Variants in PPP1R12A observed in about 807,000 individuals in gnomAD.
The protein encoded by PPP1R12A is protein phosphatase 1 regulatory subunit 12A.
In PPP1R12A, 19 loss-of-function variants were observed where a neutral mutation model predicts 139.6. The observed-to-expected ratio is 0.14, with a 90% CI of 0.09 to 0.20. The LOEUF (loss-of-function observed/expected upper bound fraction) is 0.20. PPP1R12A is among the 10% of genes least tolerant of loss of function. The pLI, the probability that PPP1R12A is intolerant of heterozygous loss-of-function variation, is 1.00. For synonymous variants in PPP1R12A, 427 were observed against 420.6 expected (o/e 1.02, Z -0.19); for missense variants, 925 against 1,211.5 (o/e 0.76, Z 3.51).
chr12:79,827,088 TG>T (rs1231913358), intron 5 of PPP1R12A, among the ~76,000 whole-genome samples: 2 of 152,220 alleles, frequency 1.3e-5, no homozygotes, highest in African/African-American at 4.8e-5. Flanking sequence ...GCCTTTTACT[TG>T]AATAGTATCA....
chr12:79,862,850 C>A (rs1270080428), intron 2 of PPP1R12A, among the ~76,000 whole-genome samples: 2 of 152,178 alleles, frequency 1.3e-5, no homozygotes, highest in Non-Finnish European at 2.9e-5. Context: ...GATTGGTATA[C>A]CTGAAAGTGA....
chr12:79,807,762 G>A (rs1261162769), intron 11 of PPP1R12A, among the ~76,000 whole-genome samples: 1 of 151,954 alleles, frequency 6.6e-6, no homozygotes. Context: ...GTTATTGGCC[G>A]GGTGCAGTGG....
intron 9 of PPP1R12A, among the ~76,000 whole-genome samples, chr12:79,812,403 T>TGTGTGTGTGC (rs1874701067): frequency 2.0e-5 from 3 of 150,906 alleles, no homozygotes; most frequent in Non-Finnish European, 4.4e-5. Flanking sequence ...TGTGTGTGTG[T>TGTGTGTGTGC]GTGTGTGTGT....
intron 14 of PPP1R12A, among the ~76,000 whole-genome samples, chr12:79,799,040 A>G (rs1402351376): frequency 6.6e-6 from 1 of 152,188 alleles, no homozygotes; most frequent in Non-Finnish European, 1.5e-5. Flanking sequence ...TGATAATCTA[A>G]GCATCTTACT....
At chr12:79,835,842 T>A (rs1335574566) in intron 3 of PPP1R12A, among the ~76,000 whole-genome samples, 1 of 152,176 alleles carries the variant, frequency 6.6e-6, no homozygotes, top group Non-Finnish European at 1.5e-5. Flanking sequence ...CCCAAGTACA[T>A]CATGGTCTCT....
intron 2 of PPP1R12A, among the ~76,000 whole-genome samples, chr12:79,866,545 A>G (rs903669289): frequency 6.6e-6 from 1 of 152,238 alleles, no homozygotes. Flanking sequence ...AACCTACAGA[A>G]TCGGAGAAAA....
At chr12:79,873,593 G>A (rs1010197775) in intron 1 of PPP1R12A, among the ~76,000 whole-genome samples, 3 of 151,614 alleles carry the variant, frequency 2.0e-5, no homozygotes, top group Non-Finnish European at 4.4e-5. Context: ...TTGAGTTTGA[G>A]TTCAAGGCTG....
In PPP1R12A at chr12:79,821,177, A is replaced by T; in HGVS notation, c.868-11T>A. On this transcript the variant is annotated splice_polypyrimidine_tract_variant and intron_variant, in intron 6 of 24. Transcript: ENST00000450142. ...TTTTTCACTATGGAGCTTTGTACAA[A>T]GTTATGCAAAGGAAAATAAGAAAAC... The T allele has an allele frequency of 6.3e-7, 1 of 1,577,186 alleles. No individual in the cohort carries two copies. Among genetic ancestry groups the T allele is most frequent in the Non-Finnish European group, 8.7e-7 (1 of 1,152,472 alleles).
chr12:79,833,412 A>G (rs1036336521), intron 3 of PPP1R12A, among the ~76,000 whole-genome samples: 4 of 152,152 alleles, frequency 2.6e-5, no homozygotes, highest in African/African-American at 4.8e-5. Context: ...GGCTTTGACT[A>G]CTTGCTATTT....
chr12:79,812,125 A>G (rs1344264410), intron 9 of PPP1R12A, among the ~76,000 whole-genome samples: 1 of 152,220 alleles, frequency 6.6e-6, no homozygotes, highest in African/African-American at 2.4e-5. Context: ...AGTACTATCT[A>G]TCAATTTTGA....
At chr12:79,809,505 A>T (rs1224286810) in intron 10 of PPP1R12A, among the ~76,000 whole-genome samples, 2 of 152,176 alleles carry the variant, frequency 1.3e-5, no homozygotes, top group Non-Finnish European at 2.9e-5. Flanking sequence ...TTGAATCATA[A>T]TAAACAAAAT....
At chr12:79,878,798 A>G (rs1453990978) in intron 1 of PPP1R12A, among the ~76,000 whole-genome samples, 1 of 152,158 alleles carries the variant, frequency 6.6e-6, no homozygotes, top group Non-Finnish European at 1.5e-5. Flanking sequence ...CCCATGATTC[A>G]TTCAATTACC....
chr12:79,892,868 C>G lies in PPP1R12A; in HGVS notation c.238-19930G>C, dbSNP rs1376787012. On this transcript the variant is annotated intron_variant, in intron 1 of 24. Coordinates refer to ENST00000450142, the MANE Select transcript of PPP1R12A (RefSeq NM_002480.3). ...CCTATAATCCCAGTACTTTGGAAGG[C>G]CAAGGTGGGCGGATCACTTGAGGTT... Among the ~76,000 whole-genome samples, 4 of 152,132 alleles carry G rather than the reference C, an allele frequency of 2.6e-5. No individual in the cohort carries two copies. In the East Asian group the frequency reaches 7.7e-4, roughly 29 times the overall value.
At chr12:79,885,152 T>C (rs1883987677) in intron 1 of PPP1R12A, among the ~76,000 whole-genome samples, 1 of 152,192 alleles carries the variant, frequency 6.6e-6, no homozygotes, top group South Asian at 2.1e-4. Context: ...GTACAAACTC[T>C]AGAGCCAGAC....
intron 10 of PPP1R12A, 58 bp from the exon 11 acceptor site, chr12:79,808,635 G>T: frequency 1.1e-6 from 1 of 918,418 alleles, no homozygotes; most frequent in Non-Finnish European, 1.7e-6. Flanking sequence ...TATAGGCAAT[G>T]CTAAAAGTAT....
At chr12:79,815,546 C>T (rs1245263081) in intron 9 of PPP1R12A, among the ~76,000 whole-genome samples, 4 of 151,748 alleles carry the variant, frequency 2.6e-5, no homozygotes, top group African/African-American at 9.7e-5. Context: ...AAAAGATAGC[C>T]AGTTTCTTGC....
At chr12:79,807,196 A>C in intron 12 of PPP1R12A, 30 bp downstream of exon 12, 1 of 1,316,530 alleles carries the variant, frequency 7.6e-7, no homozygotes, top group Middle Eastern at 2.0e-4. Context: ...AAATGAATAC[A>C]TAAAAACCGC....
chr12:79,915,801 G>GT (rs1346407985), intron 1 of PPP1R12A, among the ~76,000 whole-genome samples: 1 of 152,144 alleles, frequency 6.6e-6, no homozygotes, highest in Non-Finnish European at 1.5e-5. Flanking sequence ...TTGACACTGA[G>GT]TGATCAATCA....
At chr12:79,833,699 T>A (rs1205613565) in intron 3 of PPP1R12A, among the ~76,000 whole-genome samples, 3 of 149,426 alleles carry the variant, frequency 2.0e-5, no homozygotes, top group African/African-American at 7.4e-5. Flanking sequence ...TAGCCAGGCA[T>A]AGTGGCAGGT....
Sources: allele counts gnomAD v4.1 joint callset (sites outside exome capture counted in the v4.1 genomes callset), GRCh38; gene constraint gnomAD v4.1.1; transcripts MANE v1.5; gene names NCBI Gene and HGNC (gene_info 2026-07-23, HGNC 2026-07-21).